RGS6: variants seen among roughly 807,000 people sequenced by gnomAD.
RGS6 encodes regulator of G protein signaling 6.
A neutral mutation model predicts 78.5 loss-of-function variants in RGS6; 30 were observed. The ratio of observed to expected loss-of-function variants is 0.38; its 90% CI spans 0.29 to 0.52. RGS6 has a LOEUF of 0.52. RGS6 is among the 20% of genes least tolerant of loss of function. The pLI is 0.85. For missense variants in RGS6, 495 were observed against 609.7 expected (o/e 0.81, Z 1.98); for synonymous variants, 206 against 206.0 (o/e 1.00, Z 0.00).
At chr14:71,934,422 A>G (rs1216626056) in intron 1 of RGS6, among the ~76,000 whole-genome samples, 1 of 152,172 alleles carries the variant, frequency 6.6e-6, no homozygotes, top group Admixed American at 6.5e-5. Flanking sequence ...TTCCTTTTAT[A>G]TATTTATTCT....
chr14:72,550,155 T>C (rs578039082), intron 17 of RGS6, among the ~76,000 whole-genome samples: 2 of 152,384 alleles, frequency 1.3e-5, no homozygotes, highest in Non-Finnish European at 2.9e-5. Context: ...TTTCAAATTC[T>C]TTGAGGCCTC....
chr14:72,539,857 C>G (rs2097298451), intron 16 of RGS6, among the ~76,000 whole-genome samples, 184 bp from the exon 17 acceptor site: 1 of 152,210 alleles, frequency 6.6e-6, no homozygotes, highest in East Asian at 1.9e-4. Context: ...GGGCTTCTGT[C>G]TTCTGTCTCT....
At position 71,932,458 on chromosome 14, in the gene RGS6, C is replaced by T. The variant is rs1366277127; in HGVS notation, c.-504C>T. The T allele has an allele frequency of 1.3e-5, 2 of 151,682 alleles. No homozygotes were observed. The highest frequency in any genetic ancestry group is 4.8e-5 in the African/African-American group (2 of 41,386). The allele number at this position is 151,682 out of a possible 1,614,324, so 9.4% of individuals were successfully genotyped here. A position where few individuals can be genotyped will look rare whatever the true frequency, so the allele number is the denominator to read the frequency against. On this transcript the variant is annotated 5_prime_UTR_variant, in exon 1 of 18. Transcript: ENST00000553525. ...GGCTTCGCGAGTTGGGGCAGCTCCT[C>T]GCGCTCGGCCCTGCTCGGCGGCGAG... is the stretch of plus-strand genomic sequence containing the variant.
intron 2 of RGS6, among the ~76,000 whole-genome samples, chr14:72,120,901 C>A (rs1441326085): frequency 6.6e-6 from 1 of 152,178 alleles, no homozygotes; most frequent in Non-Finnish European, 1.5e-5. Flanking sequence ...GTTGTCAAAA[C>A]TCATCACGTG....
chr14:72,599,049 G>A, the RGS6 span, among the ~76,000 whole-genome samples: 3 of 151,914 alleles, frequency 2.0e-5, no homozygotes, highest in East Asian at 1.9e-4. Flanking sequence ...TGGGAGACCC[G>A]GCGCAGCCAC....
intron 17 of RGS6, among the ~76,000 whole-genome samples, chr14:72,550,175 A>G (rs1007589317): frequency 2.0e-5 from 3 of 152,204 alleles, no homozygotes; most frequent in African/African-American, 4.8e-5. Flanking sequence ...CTCATTAAAC[A>G]TGGCGATCCC....
intron 2 of RGS6, among the ~76,000 whole-genome samples, chr14:72,066,254 C>G (rs1231818786): frequency 6.6e-6 from 1 of 152,050 alleles, no homozygotes; most frequent in Non-Finnish European, 1.5e-5. Context: ...TTTGCTATCT[C>G]TCCAGGTTTC....
chr14:72,514,262 T>C, intron 14 of RGS6, among the ~76,000 whole-genome samples: 1 of 152,166 alleles, frequency 6.6e-6, no homozygotes, highest in East Asian at 1.9e-4. Flanking sequence ...CACTTTCTTC[T>C]CTCCTGGAGT....
intron 2 of RGS6, among the ~76,000 whole-genome samples, chr14:72,032,952 T>C (rs2091137596): frequency 1.3e-5 from 2 of 152,214 alleles, no homozygotes; most frequent in African/African-American, 4.8e-5. Context: ...CTATTTTTGA[T>C]TCTTTTGAAT....
At chr14:72,311,841 G>A (rs2068695845) in intron 2 of RGS6, among the ~76,000 whole-genome samples, 1 of 152,160 alleles carries the variant, frequency 6.6e-6, no homozygotes, top group African/African-American at 2.4e-5. Flanking sequence ...ACTTCTGATG[G>A]GAAAAGGAAG....
intron 2 of RGS6, among the ~76,000 whole-genome samples, chr14:72,030,115 CAT>C (rs1395377268): frequency 6.6e-6 from 1 of 152,056 alleles, no homozygotes; most frequent in African/African-American, 2.4e-5. Context: ...ATTAATGACA[CAT>C]ATTATAATTG....
At chr14:72,382,514 C>A (rs573416729) in intron 3 of RGS6, among the ~76,000 whole-genome samples, 16 of 152,280 alleles carry the variant, frequency 1.1e-4, no homozygotes, top group African/African-American at 3.9e-4. Flanking sequence ...ATTCGCAAAC[C>A]ACATTGGAAA....
At chr14:72,377,924 C>A (rs1352824223) in intron 3 of RGS6, among the ~76,000 whole-genome samples, 1 of 152,104 alleles carries the variant, frequency 6.6e-6, no homozygotes, top group Non-Finnish European at 1.5e-5. Flanking sequence ...AGTAAGGATG[C>A]AGTGAGCCAT....
chr14:72,440,903 C>T (rs113084677), intron 3 of RGS6, among the ~76,000 whole-genome samples: 9 of 152,098 alleles, frequency 5.9e-5, no homozygotes, highest in East Asian at 3.9e-4. Flanking sequence ...TATGCACATG[C>T]GCAGGTGTGT....
At chr14:72,591,303 T>C in the RGS6 span, among the ~76,000 whole-genome samples, 1 of 152,224 alleles carries the variant, frequency 6.6e-6, no homozygotes, top group Non-Finnish European at 1.5e-5. Context: ...TAAATTCAAT[T>C]ATGTGAAACA....
Position 72,036,288 on chromosome 14 carries a change from T to C in RGS6, c.84+71413T>C, listed in dbSNP as rs559719132. ...CCGTTTTGTTTTGTTTTGTTTTGTTTTGTTTTTCACCCATTGTAGAGCATT... is the reference window on the plus strand; with the variant it reads ...CCGTTTTGTTTTGTTTTGTTTTGTTCTGTTTTTCACCCATTGTAGAGCATT... On this transcript the variant is annotated intron_variant, in intron 2 of 17. Transcript: ENST00000553525. Among the ~76,000 whole-genome samples the C allele has an allele frequency of 1.4e-4, 22 of 151,874 alleles. No individual in the cohort carries two copies. The South Asian group carries it at 4.6e-3, about 32-fold the overall frequency.
intron 6 of RGS6, among the ~76,000 whole-genome samples, chr14:72,464,070 A>T (rs2095844977): frequency 6.6e-6 from 1 of 152,246 alleles, no homozygotes; most frequent in South Asian, 2.1e-4. Context: ...CGCACTCAAA[A>T]TAAACTACCC....
chr14:72,476,816 A>G lies in RGS6; in HGVS notation c.768A>G (p.Thr256=), dbSNP rs746367048. ...VHVLSQPIRK[T]TKEDIRKQIT... ...TACTCAGCCAACCAATCAGGAAAAC[A>G]ACAAAAGAGGACATCCGGAAACAGG... The change falls in exon 11 of 18, where the codon ACA becomes ACG. Residue 256 remains threonine (T), a synonymous_variant. Transcript: ENST00000553525. 11 of 1,614,078 alleles carry G rather than the reference A, an allele frequency of 6.8e-6. No homozygotes were observed. Among genetic ancestry groups the G allele is most frequent in the Non-Finnish European group, 7.6e-6 (9 of 1,180,022 alleles).
At chr14:72,014,753 T>C (rs1322146248) in intron 2 of RGS6, among the ~76,000 whole-genome samples, 3 of 152,214 alleles carry the variant, frequency 2.0e-5, no homozygotes, top group African/African-American at 7.2e-5. Flanking sequence ...TTTGCGTGTG[T>C]TCTTTCATCT....
Sources: allele counts gnomAD v4.1 joint callset (sites outside exome capture counted in the v4.1 genomes callset), GRCh38; gene constraint gnomAD v4.1.1; transcripts MANE v1.5; gene names NCBI Gene and HGNC (gene_info 2026-07-23, HGNC 2026-07-21).